KLHL2: variants seen among roughly 807,000 people sequenced by gnomAD.
KLHL2 encodes kelch like family member 2, also known as kelch-like protein 2.
Under a neutral mutation model 75.8 loss-of-function variants are expected in KLHL2, and 15 were observed. The ratio of observed to expected loss-of-function variants is 0.20; its 90% CI spans 0.13 to 0.30. KLHL2 has a LOEUF of 0.30. Among genes scored for constraint, KLHL2 ranks in the 10% least tolerant of loss-of-function variants. The pLI is 1.00. For missense variants in KLHL2, 381 were observed against 741.0 expected, an observed-to-expected ratio of 0.51 and a Z score of 5.64; for synonymous variants, 214 against 251.9, an observed-to-expected ratio of 0.85 and a Z score of 1.42.
intron 4 of KLHL2, among the ~76,000 whole-genome samples, chr4:165,246,968 G>A (rs568674977): frequency 6.6e-6 from 1 of 152,258 alleles, no homozygotes; most frequent in Non-Finnish European, 1.5e-5. Context: ...GAGGGAGATG[G>A]AGTACTGGTG....
intron 3 of KLHL2, among the ~76,000 whole-genome samples, chr4:165,229,514 GGGTATT>G (rs1463649014): frequency 1.2e-4 from 18 of 152,146 alleles, no homozygotes; most frequent in African/African-American, 3.9e-4. Context: ...TATAATCTTA[GGGTATT>G]GGTATGCCAA....
At chr4:165,213,910 T>C (rs1238380072) in intron 1 of KLHL2, among the ~76,000 whole-genome samples, 1 of 152,246 alleles carries the variant, frequency 6.6e-6, no homozygotes, top group Non-Finnish European at 1.5e-5. Context: ...TACATTCATA[T>C]AGTGCCTAGT....
chr4:165,303,494 G>GCCCCCCCCCCCCC lies in KLHL2; in HGVS notation c.922-2106_922-2105insCCCCCCCCCCCCC. On this transcript the variant is annotated intron_variant, in intron 8 of 14. Transcript: ENST00000226725. ...CCAATTCTGTAATTTTTACAACCTTGCCCCCCCCGCCGTTTTTGGGTGGTC... is the reference window on the plus strand; with the variant it reads ...CCAATTCTGTAATTTTTACAACCTTGCCCCCCCCCCCCCCCCCCCCCGCCGTTTTTGGGTGGTC... Among the ~76,000 whole-genome samples, 133 of 113,318 alleles carry GCCCCCCCCCCCCC rather than the reference G, an allele frequency of 1.2e-3. 15 individuals are homozygous for GCCCCCCCCCCCCC. Among genetic ancestry groups the GCCCCCCCCCCCCC allele is most frequent in the Non-Finnish European group, 2.4e-3 (108 of 45,506 alleles). 74.3% of individuals were successfully genotyped at this position (113,318 alleles called of 152,430 possible).
chr4:165,217,617 A>C (rs1429365080), intron 1 of KLHL2, among the ~76,000 whole-genome samples: 1 of 152,156 alleles, frequency 6.6e-6, no homozygotes, highest in African/African-American at 2.4e-5. Flanking sequence ...ACTGATGTGC[A>C]CTTGTAGTAG....
chr4:165,247,242 G>A (rs576689625), intron 4 of KLHL2, among the ~76,000 whole-genome samples: 6 of 152,248 alleles, frequency 3.9e-5, no homozygotes, highest in African/African-American at 1.4e-4. Flanking sequence ...GGTCACACTG[G>A]TCATTAGTGA....
intron 5 of KLHL2, among the ~76,000 whole-genome samples, chr4:165,271,455 C>A (rs56407727): frequency 0.22 from 32,856 of 151,886 alleles, 4,002 homozygotes; most frequent in Non-Finnish European, 0.29. Flanking sequence ...TCAGCTTGGT[C>A]ATTGTTCGTG....
chr4:165,249,641 T>C (rs535736986), intron 4 of KLHL2, among the ~76,000 whole-genome samples: 31 of 152,336 alleles, frequency 2.0e-4, no homozygotes, highest in Admixed American at 5.9e-4. Context: ...ATTTCTGAAT[T>C]TTTTTGTAAT....
chr4:165,255,051 G>A (rs1293919492), intron 4 of KLHL2, among the ~76,000 whole-genome samples: 2 of 152,194 alleles, frequency 1.3e-5, no homozygotes, highest in African/African-American at 4.8e-5. Context: ...AAGGTAGGTG[G>A]TGTCTTCATT....
intron 5 of KLHL2, among the ~76,000 whole-genome samples, chr4:165,273,170 CT>C (rs898196220): frequency 5.9e-5 from 9 of 151,900 alleles, no homozygotes; most frequent in Non-Finnish European, 1.3e-4. Flanking sequence ...CTCCCCTTCC[CT>C]TTTTTTTATA....
intron 6 of KLHL2, among the ~76,000 whole-genome samples, chr4:165,295,071 G>C (rs1333218106): frequency 6.6e-6 from 1 of 152,058 alleles, no homozygotes; most frequent in Non-Finnish European, 1.5e-5. Context: ...ACTGCTTCTG[G>C]TTGTAGTCTT....
chr4:165,246,411 T>G (rs1489463923), intron 4 of KLHL2, among the ~76,000 whole-genome samples: 1 of 151,976 alleles, frequency 6.6e-6, no homozygotes, highest in African/African-American at 2.4e-5. Context: ...TTTGTTCCCC[T>G]TTCCCATCTG....
chr4:165,260,575 TG>T (rs1221431513), intron 4 of KLHL2, among the ~76,000 whole-genome samples: 1 of 148,940 alleles, frequency 6.7e-6, no homozygotes, highest in African/African-American at 2.5e-5. Flanking sequence ...TATGTGTGTG[TG>T]TGGGGGGGGT....
chr4:165,264,002 T>C (rs1741940345), intron 5 of KLHL2, among the ~76,000 whole-genome samples: 1 of 152,080 alleles, frequency 6.6e-6, no homozygotes, highest in Admixed American at 6.6e-5. Context: ...GGCCTGTTGC[T>C]GTTTTCAAGG....
chr4:165,298,889 C>T (rs985017559), intron 7 of KLHL2, among the ~76,000 whole-genome samples: 1 of 151,840 alleles, frequency 6.6e-6, no homozygotes, highest in African/African-American at 2.4e-5. Flanking sequence ...AGGATTGTAC[C>T]ACTGAACTCC....
chr4:165,264,605 T>TATACAC (rs757273597), intron 5 of KLHL2, among the ~76,000 whole-genome samples: 8 of 124,102 alleles, frequency 6.4e-5, no homozygotes, highest in African/African-American at 2.5e-4. Context: ...TATATATATA[T>TATACAC]ACACACACAC....
chr4:165,217,110 G>A (rs1196690351), intron 1 of KLHL2, among the ~76,000 whole-genome samples: 1 of 152,000 alleles, frequency 6.6e-6, no homozygotes, highest in Non-Finnish European at 1.5e-5. Context: ...TTCAAGCATT[G>A]AAAATTCTTT....
intron 2 of KLHL2, among the ~76,000 whole-genome samples, chr4:165,224,834 C>T (rs1378442165): frequency 6.6e-6 from 1 of 152,122 alleles, no homozygotes; most frequent in Non-Finnish European, 1.5e-5. Context: ...AAGCATTTAT[C>T]CTTGGTGTTA....
At chr4:165,230,372 A>G (rs1738785466) in intron 3 of KLHL2, among the ~76,000 whole-genome samples, 1 of 152,232 alleles carries the variant, frequency 6.6e-6, no homozygotes, top group Non-Finnish European at 1.5e-5. Context: ...AATGGGAATA[A>G]TAATATTACC....
intron 5 of KLHL2, among the ~76,000 whole-genome samples, chr4:165,292,917 T>C (rs1744623751): frequency 6.6e-6 from 1 of 152,200 alleles, no homozygotes; most frequent in African/African-American, 2.4e-5. Context: ...AGCTAAGTTA[T>C]TGAATCCTTA....
Sources: gnomAD v4.1 joint callset for allele counts (sites outside exome capture counted in the v4.1 genomes callset) on GRCh38, gnomAD v4.1.1 for gene constraint, MANE v1.5 for transcripts, NCBI Gene and HGNC (gene_info 2026-07-23, HGNC 2026-07-21) for gene names.